NXPE2: variants seen among roughly 807,000 people sequenced by gnomAD.
NXPE2 encodes the protein neurexophilin and PC-esterase domain family member 2, also known as NXPE family member 2.
A neutral mutation model predicts 34.4 loss-of-function variants in NXPE2; 34 were observed. The ratio of observed to expected loss-of-function variants is 0.99; its 90% confidence interval spans 0.75 to 1.31. The LOEUF (loss-of-function observed/expected upper bound fraction) is 1.31, where lower values mean the gene tolerates loss of function less well. Ranked by LOEUF, NXPE2 falls within the 40% of genes most tolerant of loss-of-function variation. The probability of loss-of-function intolerance (pLI) is 0.00; values close to 1 mark genes in which losing one functional copy is unlikely to be tolerated. For missense variants in NXPE2, 649 were observed against 672.5 expected, an observed-to-expected ratio of 0.97 and a Z score of 0.39; for synonymous variants, 235 against 231.3, an observed-to-expected ratio of 1.02 and a Z score of -0.15.
At chr11:114,682,790 T>A (rs1950970831) in intron 2 of NXPE2, among the ~76,000 whole-genome samples, 1 of 151,944 alleles carries the variant, frequency 6.6e-6, no homozygotes, top group South Asian at 2.1e-4. Context: ...AGACATTTCC[T>A]TTAGACCTTT....
At chr11:114,715,333 T>C in the NXPE2 span, among the ~76,000 whole-genome samples, 1 of 152,254 alleles carries the variant, frequency 6.6e-6, no homozygotes, top group Non-Finnish European at 1.5e-5. Flanking sequence ...CATTTTGTTC[T>C]ATGTAATTGC....
At chr11:114,641,455 A>G in the NXPE2 span, among the ~76,000 whole-genome samples, 2 of 152,058 alleles carry the variant, frequency 1.3e-5, no homozygotes, top group Admixed American at 1.3e-4. Context: ...AATATTTGAC[A>G]ATGAATAACA....
At chr11:114,554,702 A>G in the NXPE2 span, among the ~76,000 whole-genome samples, 1 of 152,234 alleles carries the variant, frequency 6.6e-6, no homozygotes, top group Non-Finnish European at 1.5e-5. Flanking sequence ...TGATATGAAA[A>G]TAATCTGTGA....
the NXPE2 span, among the ~76,000 whole-genome samples, chr11:114,635,024 G>T: frequency 1.3e-5 from 2 of 151,788 alleles, no homozygotes; most frequent in South Asian, 2.1e-4. Flanking sequence ...GCTTGATGGG[G>T]ATGGCATTGA....
chr11:114,627,771 A>G, the NXPE2 span, among the ~76,000 whole-genome samples: 2 of 152,086 alleles, frequency 1.3e-5, no homozygotes, highest in African/African-American at 2.4e-5. Flanking sequence ...TATTCAGGAA[A>G]CCCATCTCAC....
At chr11:114,733,213 C>T in the NXPE2 span, among the ~76,000 whole-genome samples, 1 of 152,170 alleles carries the variant, frequency 6.6e-6, no homozygotes, top group Non-Finnish European at 1.5e-5. Context: ...TCTGTCTCAG[C>T]CTCCTGAGTA....
the NXPE2 span, among the ~76,000 whole-genome samples, chr11:114,768,055 A>C: frequency 6.6e-6 from 1 of 152,236 alleles, no homozygotes; most frequent in Non-Finnish European, 1.5e-5. Context: ...TGGAACATTT[A>C]AGTCTTTAAT....
At chr11:114,614,009 A>G in the NXPE2 span, among the ~76,000 whole-genome samples, 1 of 151,614 alleles carries the variant, frequency 6.6e-6, no homozygotes, top group Non-Finnish European at 1.5e-5. Flanking sequence ...TACCCAGTGG[A>G]AAATAAGTAT....
chr11:114,740,885 C>T, the NXPE2 span, among the ~76,000 whole-genome samples: 5 of 152,232 alleles, frequency 3.3e-5, no homozygotes, highest in African/African-American at 7.2e-5. Context: ...TTATAATATC[C>T]TTTTGATGGA....
At chr11:114,636,935 T>A in the NXPE2 span, among the ~76,000 whole-genome samples, 11 of 151,128 alleles carry the variant, frequency 7.3e-5, no homozygotes, top group African/African-American at 2.4e-4. Context: ...AAAATGTATA[T>A]TCTGTTGATT....
chr11:114,466,854 C>T, the NXPE2 span, among the ~76,000 whole-genome samples: 23 of 152,124 alleles, frequency 1.5e-4, no homozygotes, highest in East Asian at 3.9e-4. Context: ...TCTTTTATTG[C>T]AGGGGGAAGA....
intron 3 of NXPE2, among the ~76,000 whole-genome samples, chr11:114,702,083 TA>T (rs1951375895): frequency 6.6e-6 from 1 of 152,156 alleles, no homozygotes; most frequent in Non-Finnish European, 1.5e-5. Flanking sequence ...TTCTTCAAAT[TA>T]AAAAAGTCTT....
At chr11:114,642,094 GA>G in the NXPE2 span, among the ~76,000 whole-genome samples, 3 of 151,978 alleles carry the variant, frequency 2.0e-5, no homozygotes, top group Non-Finnish European at 2.9e-5. Context: ...TTCCAAAGTG[GA>G]AAAGGCTGGC....
chr11:114,633,611 A>T, the NXPE2 span, among the ~76,000 whole-genome samples: 1 of 145,198 alleles, frequency 6.9e-6, no homozygotes, highest in Admixed American at 7.1e-5. Context: ...TATCCCTCCC[A>T]CCCTGCCCCC....
At chr11:114,555,636 T>C in the NXPE2 span, among the ~76,000 whole-genome samples, 1 of 152,214 alleles carries the variant, frequency 6.6e-6, no homozygotes, top group East Asian at 1.9e-4. Flanking sequence ...AAGTTCCATT[T>C]CCTTGTCAAT....
the NXPE2 span, among the ~76,000 whole-genome samples, chr11:114,569,876 C>T: frequency 6.6e-6 from 1 of 152,158 alleles, no homozygotes; most frequent in Non-Finnish European, 1.5e-5. Context: ...GTATTAACAG[C>T]CTGTCTTCTT....
the NXPE2 span, chr11:114,551,330 G>T: frequency 2.2e-6 from 3 of 1,380,026 alleles, no homozygotes; most frequent in Non-Finnish European, 2.9e-6. Context: ...GTGAGTCACT[G>T]TCTTCTTTCC....
At chr11:114,740,040 T>A in the NXPE2 span, among the ~76,000 whole-genome samples, 14 of 152,080 alleles carry the variant, frequency 9.2e-5, no homozygotes, top group African/African-American at 3.1e-4. Flanking sequence ...ACACTATATA[T>A]ATACTATGTT....
At chr11:114,767,326 T>C in the NXPE2 span, among the ~76,000 whole-genome samples, 1 of 152,180 alleles carries the variant, frequency 6.6e-6, no homozygotes, top group Middle Eastern at 3.2e-3. Flanking sequence ...CCTGCAAAAC[T>C]GACAGTGGAG....
Sources: allele counts gnomAD v4.1 joint callset (sites outside exome capture counted in the v4.1 genomes callset), GRCh38; gene constraint gnomAD v4.1.1; transcripts MANE v1.5; gene names NCBI Gene and HGNC (gene_info 2026-07-23, HGNC 2026-07-21).